The following PRPF4 variants were observed in gnomAD, a reference collection of about 807,000 sequenced individuals.
PRPF4 encodes the protein pre-mRNA splicing tri-snRNP complex factor PRPF4.
PRPF4 carries 14 observed loss-of-function variants against 72.2 expected under a neutral mutation model. The observed-to-expected ratio is 0.19, with a 90% CI of 0.13 to 0.30. The LOEUF (loss-of-function observed/expected upper bound fraction) is 0.30, where lower values mean the gene tolerates loss of function less well. Among genes scored for constraint, PRPF4 ranks in the 10% least tolerant of loss-of-function variants. PRPF4 has a pLI of 1.00. For missense variants in PRPF4, 478 were observed against 653.9 expected (o/e 0.73, Z 2.93); for synonymous variants, 225 against 232.2 (o/e 0.97, Z 0.28).
At chr9:113,291,042 T>G (rs1832595247) in intron 13 of PRPF4, 26 bp downstream of exon 13, 1 of 1,580,392 alleles carries the variant, frequency 6.3e-7, no homozygotes, top group South Asian at 1.1e-5. Context: ...ATTTTACGTC[T>G]AAATGACACA....
chr9:113,282,956 A>G, intron 4 of PRPF4, 176 bp from the exon 5 acceptor site: 3 of 1,219,742 alleles, frequency 2.5e-6, no homozygotes, highest in Non-Finnish European at 3.4e-6. Flanking sequence ...CATTCCTGGT[A>G]TAACCATGTA....
At chr9:113,291,420 T>C (rs1832605381) in intron 13 of PRPF4, 47 bp from the exon 14 acceptor site, 1 of 1,537,048 alleles carries the variant, frequency 6.5e-7, no homozygotes, top group East Asian at 2.3e-5. Context: ...GTCTTCTCTT[T>C]TGAATACTTG....
chr9:113,287,001 G>C (rs536185108), intron 9 of PRPF4, among the ~76,000 whole-genome samples, 173 bp downstream of exon 9: 1 of 152,048 alleles, frequency 6.6e-6, no homozygotes, highest in East Asian at 1.9e-4. Flanking sequence ...GTGGTGAGCC[G>C]AGATTGCACA....
At position 113,290,743 on chromosome 9, in the gene PRPF4, C is replaced by A; in HGVS notation, c.1189C>A (p.Arg397Ser). ...FGRVWDLRTG[R>S]CIMFLEGHLK... ...TCGAGTTTGGGACCTACGCACAGGA[C>A]GTTGTATCATGTTCTTAGAAGGCCA... The change falls in exon 12 of 14, where the codon CGT (arginine) becomes AGT (serine). Residue 397 changes from arginine to serine, a missense_variant. Arg to Ser is a moderately radical substitution (Grantham distance 110, BLOSUM62 -1). Coordinates refer to ENST00000374198, the MANE Select transcript of PRPF4 (RefSeq NM_001244926.2). The A allele has an allele frequency of 6.2e-7, 1 of 1,614,082 alleles. No homozygotes were observed. The highest frequency in any genetic ancestry group is 8.5e-7 in the Non-Finnish European group (1 of 1,180,030).
intron 3 of PRPF4, among the ~76,000 whole-genome samples, chr9:113,280,895 C>A (rs1487441560): frequency 6.6e-6 from 1 of 151,694 alleles, no homozygotes; most frequent in African/African-American, 2.4e-5. Flanking sequence ...GGGTGGAGTG[C>A]GGTGGTGCAA....
Position 113,288,273 on chromosome 9 carries a change from T to C in PRPF4, c.1022+9T>C. The C allele has an allele frequency of 6.2e-7, 1 of 1,613,536 alleles. No individual in the cohort carries two copies. The highest frequency in any genetic ancestry group is 8.5e-7 in the Non-Finnish European group (1 of 1,179,490). ...TTCCTGGGCACCACCTGGTGAGCCA[T>C]CCTGTTATTGTTTTATCCATATAGG... is the stretch of plus-strand genomic sequence containing the variant. On this transcript the variant is annotated intron_variant, in intron 10 of 13. Transcript: ENST00000374198.
At position 113,291,609 on chromosome 9, in the gene PRPF4, C is replaced by T; in HGVS notation, c.1515C>T (p.Leu505=). The T allele has an allele frequency of 1.2e-6, 2 of 1,614,164 alleles. No individual in the cohort carries two copies. Among genetic ancestry groups the T allele is most frequent in the South Asian group, 1.1e-5 (1 of 91,076 alleles). Residue 505 remains leucine (L), a synonymous_variant, in exon 14 of 14, where the codon CTC becomes CTT. Transcript: ENST00000374198. ...MGLDISSDGQ[L]IATCSYDRTF... ...TAGATATTTCTTCCGATGGGCAGCT[C>T]ATAGCCACTTGCTCATATGACAGGA...
intron 6 of PRPF4, among the ~76,000 whole-genome samples, chr9:113,284,069 A>G (rs903065135): frequency 6.5e-5 from 6 of 91,962 alleles, no homozygotes; most frequent in African/African-American, 1.3e-4. Flanking sequence ...CTCTGTCTCA[A>G]AAAAAAAAAA....
Position 113,290,786 on chromosome 9 carries a change from G to A in PRPF4, c.1232G>A (p.Gly411Glu), listed in dbSNP as rs373699969. 6.8e-6 allele frequency: 11 copies of A among 1,614,032 alleles called. No individual in the cohort carries two copies. The African/African-American group carries it at 1.5e-4, about 22-fold the overall frequency. Residue 411 changes from glycine to glutamate, a missense_variant, in exon 12 of 14, where the codon GGA becomes GAA. By Grantham distance (98) the Gly-to-Glu change is moderately conservative. Coordinates refer to ENST00000374198, the MANE Select transcript of PRPF4 (RefSeq NM_001244926.2). ...GAAGGCCACCTGAAAGAAATCTATG[G>A]AATAAATTTCTCCCCCAATGGGTAA... ...FLEGHLKEIY[G>E]INFSPNGYHI...
chr9:113,287,165 A>G (rs996517789), intron 9 of PRPF4, among the ~76,000 whole-genome samples: 2 of 152,194 alleles, frequency 1.3e-5, no homozygotes, highest in African/African-American at 4.8e-5. Flanking sequence ...TTTTCTTACT[A>G]AAGGAGTTAT....
rs1424636571 is a variant in PRPF4, at chr9:113,275,712, T to C, written c.-32T>C. 3 of 1,606,938 alleles carry C rather than the reference T, an allele frequency of 1.9e-6. No homozygotes were observed. The highest frequency in any genetic ancestry group is 2.5e-6 in the Non-Finnish European group (3 of 1,176,596). ...ACGGTCTGAAAGGGAGTGTTCGGGT[T>C]TCGCTGGGGCCTCGCGGCTCCAGAG... On this transcript the variant is annotated 5_prime_UTR_variant, in exon 1 of 14. Coordinates refer to ENST00000374198, the MANE Select transcript of PRPF4 (RefSeq NM_001244926.2).
At chr9:113,282,316 AT>A (rs1564247698) in intron 3 of PRPF4, among the ~76,000 whole-genome samples, 3 of 152,074 alleles carry the variant, frequency 2.0e-5, no homozygotes, top group Non-Finnish European at 4.4e-5. Context: ...CTACAGAAAA[AT>A]TTAAAAATTA....
At chr9:113,284,254 C>T in intron 6 of PRPF4, 41 bp from the exon 7 acceptor site, 1 of 1,425,014 alleles carries the variant, frequency 7.0e-7, no homozygotes, top group South Asian at 1.2e-5. Context: ...TTAGATTAAC[C>T]TATTAATGAT....
chr9:113,283,031 GA>G (rs77287785), intron 4 of PRPF4, 100 bp from the exon 5 acceptor site: 125,235 of 1,568,662 alleles, frequency 0.08, 7,568 homozygotes, highest in East Asian at 0.33. Context: ...ATTACCGAAT[GA>G]ATTCACCTTC....
At chr9:113,289,519 TGTA>T (rs1305444885) in intron 10 of PRPF4, among the ~76,000 whole-genome samples, 1 of 152,240 alleles carries the variant, frequency 6.6e-6, no homozygotes, top group African/African-American at 2.4e-5. Flanking sequence ...CTAGCAGGTG[TGTA>T]GTGATCTCCC....
chr9:113,281,803 C>T (rs1184737077), intron 3 of PRPF4, among the ~76,000 whole-genome samples: 1 of 152,006 alleles, frequency 6.6e-6, no homozygotes, highest in Non-Finnish European at 1.5e-5. Context: ...CTTCCCTGAT[C>T]CTCTAAGCTT....
At chr9:113,288,994 A>G (rs1832532610) in intron 10 of PRPF4, among the ~76,000 whole-genome samples, 1 of 152,194 alleles carries the variant, frequency 6.6e-6, no homozygotes, top group South Asian at 2.1e-4. Flanking sequence ...ACCTCTGTCA[A>G]TATAGAGAAT....
In PRPF4 at chr9:113,283,476, T is replaced by A. The variant is rs1248248048; in HGVS notation, c.648T>A (p.Ser216=). 6.2e-7 allele frequency: 1 copy of A among 1,613,904 alleles called. No homozygotes were observed. Among genetic ancestry groups the A allele is most frequent in the South Asian group, 1.1e-5 (1 of 91,066 alleles). The part of the protein sequence containing the change: ...RTSQMQELHK[S]LRSLNNFCSQ... ...CCCAGATGCAAGAGCTGCACAAGTC[T>A]CTCCGGGTAAGATGCTCCCAGCAAT... Residue 216 remains serine, a synonymous_variant, in exon 6 of 14, where the codon TCT becomes TCA. Transcript: ENST00000374198.
Position 113,275,672 on chromosome 9 carries a change from C to T in PRPF4, c.-72C>T, listed in dbSNP as rs377499486. On this transcript the variant is annotated 5_prime_UTR_variant, in exon 1 of 14. Transcript: ENST00000374198. ...CTGTCAGTGACGCACTTCCCCTCTG[C>T]TGGGCGCGCGGTGGACGGTCTGAAA... The T allele has an allele frequency of 1.6e-3, 2,488 of 1,550,452 alleles. 2 individuals carry two copies. Among genetic ancestry groups the T allele is most frequent in the Non-Finnish European group, 2.0e-3 (2,249 of 1,141,828 alleles).
Sources: gnomAD v4.1 joint callset for allele counts (sites outside exome capture counted in the v4.1 genomes callset) on GRCh38, gnomAD v4.1.1 for gene constraint, MANE v1.5 for transcripts, NCBI Gene and HGNC (gene_info 2026-07-23, HGNC 2026-07-21) for gene names.